The following ADAM10 variants were observed in gnomAD, a reference collection of about 807,000 sequenced individuals.
ADAM10 encodes disintegrin and metalloproteinase domain-containing protein 10.
A neutral mutation model predicts 90.1 loss-of-function variants in ADAM10; 17 were observed. The observed-to-expected ratio is 0.19, with a 90% CI of 0.13 to 0.28. The LOEUF (loss-of-function observed/expected upper bound fraction) is 0.28. ADAM10 is among the 10% of genes least tolerant of loss of function. The pLI, the probability that ADAM10 is intolerant of heterozygous loss-of-function variation, is 1.00. For synonymous variants in ADAM10, 310 were observed against 298.6 expected, an observed-to-expected ratio of 1.04 and a Z score of -0.40; for missense variants, 610 against 914.3, an observed-to-expected ratio of 0.67 and a Z score of 4.29.
chr15:58,602,435 T>A (rs1257771728), intron 14 of ADAM10, among the ~76,000 whole-genome samples: 1 of 152,086 alleles, frequency 6.6e-6, no homozygotes, highest in Non-Finnish European at 1.5e-5. Flanking sequence ...ATACTGGTAG[T>A]GTTCCCCATC....
chr15:58,651,776 C>T (rs1265969257), intron 5 of ADAM10, among the ~76,000 whole-genome samples: 1 of 152,154 alleles, frequency 6.6e-6, no homozygotes, highest in Non-Finnish European at 1.5e-5. Flanking sequence ...AGCAGTGGGA[C>T]TGCTGGATTA....
At chr15:58,737,223 C>T (rs1204614075) in intron 1 of ADAM10, among the ~76,000 whole-genome samples, 2 of 152,026 alleles carry the variant, frequency 1.3e-5, no homozygotes, top group East Asian at 3.9e-4. Flanking sequence ...ATCTTACTAC[C>T]CAGAAAATTG....
intron 8 of ADAM10, among the ~76,000 whole-genome samples, chr15:58,638,853 A>C (rs1896341985): frequency 6.6e-6 from 1 of 152,126 alleles, no homozygotes; most frequent in Non-Finnish European, 1.5e-5. Context: ...GTACTCCTCA[A>C]AACTGTCAGG....
At chr15:58,730,768 A>C (rs1595664328) in intron 1 of ADAM10, among the ~76,000 whole-genome samples, 1 of 152,060 alleles carries the variant, frequency 6.6e-6, no homozygotes, top group Non-Finnish European at 1.5e-5. Flanking sequence ...GGGAAGATCC[A>C]CCTGCACTGT....
chr15:58,697,885 C>G (rs924434165), intron 2 of ADAM10, among the ~76,000 whole-genome samples: 2 of 152,184 alleles, frequency 1.3e-5, no homozygotes, highest in Non-Finnish European at 2.9e-5. Context: ...CCAAACCCTA[C>G]ATCACTGAGA....
In ADAM10 at chr15:58,610,332, G is replaced by A. The variant is rs756896693; in HGVS notation, c.1990C>T (p.Pro664Ser). 32 of 1,614,064 alleles carry A rather than the reference G, an allele frequency of 2.0e-5. No homozygotes were observed. Among genetic ancestry groups the A allele is most frequent in the Non-Finnish European group, 2.7e-5 (32 of 1,179,986 alleles). Residue 664 changes from proline (P) to serine (S), a missense_variant, in exon 14 of 16, where the codon CCA becomes TCA. Pro to Ser is a moderately conservative substitution (Grantham distance 74, BLOSUM62 -1). Transcript: ENST00000260408. The part of the protein sequence containing the change: ...LARLKKAIFS[P>S]ELYENIAEWI... ...TCAGCAATGTTTTCATAGAGCTCTG[G>A]ACTAAAAATTGCTTTTTTAAGCCTA...
chr15:58,637,351 A>C (rs760616813), intron 8 of ADAM10, among the ~76,000 whole-genome samples: 2 of 152,198 alleles, frequency 1.3e-5, no homozygotes, highest in Non-Finnish European at 2.9e-5. Flanking sequence ...ATGTTCATTC[A>C]GTTAACTGAT....
At chr15:58,684,550 G>A (rs74017281) in intron 2 of ADAM10, among the ~76,000 whole-genome samples, 7,606 of 152,320 alleles carry the variant, frequency 0.05, 654 homozygotes, top group African/African-American at 0.17. Context: ...TTCCAGGGTT[G>A]AACACACTGA....
At chr15:58,697,523 C>T (rs2140784538) in intron 2 of ADAM10, among the ~76,000 whole-genome samples, 1 of 152,290 alleles carries the variant, frequency 6.6e-6, no homozygotes, top group East Asian at 1.9e-4. Context: ...ACTCAATCTG[C>T]CATTACATAC....
In ADAM10 at chr15:58,749,707, C is replaced by T; in HGVS notation, c.-173G>A. The T allele has an allele frequency of 7.0e-7, 1 of 1,420,910 alleles. No individual in the cohort carries two copies. The highest frequency in any genetic ancestry group is 9.3e-7 in the Non-Finnish European group (1 of 1,076,996). 88.0% of individuals were successfully genotyped at this position (1,420,910 alleles called of 1,614,324 possible). ...CTCGCTCCACTTCAGGGGCCGGCAA[C>T]GCTCCTAGCTCCTCCAAAACAGGGA... On this transcript the variant is annotated 5_prime_UTR_variant, in exon 1 of 16. Transcript: ENST00000260408.
chr15:58,638,039 T>G (rs1435392054), intron 8 of ADAM10, among the ~76,000 whole-genome samples: 2 of 152,124 alleles, frequency 1.3e-5, no homozygotes, highest in African/African-American at 4.8e-5. Flanking sequence ...TAACCTACAC[T>G]CGAAAAAGTT....
chr15:58,674,815 G>A (rs1164950176), intron 4 of ADAM10, among the ~76,000 whole-genome samples: 1 of 152,028 alleles, frequency 6.6e-6, no homozygotes, highest in Non-Finnish European at 1.5e-5. Flanking sequence ...TCTTCCCATT[G>A]AAGCACAAGA....
chr15:58,725,017 C>T (rs923677771), intron 1 of ADAM10, among the ~76,000 whole-genome samples: 1 of 151,492 alleles, frequency 6.6e-6, no homozygotes, highest in Non-Finnish European at 1.5e-5. Flanking sequence ...ATGACCAAAC[C>T]CTGTCTCTAC....
chr15:58,627,982 C>T, intron 9 of ADAM10, 99 bp from the exon 10 acceptor site: 1 of 1,164,132 alleles, frequency 8.6e-7, no homozygotes, highest in Non-Finnish European at 1.2e-6. Flanking sequence ...ACAATGGAAG[C>T]TTGTGGACTC....
chr15:58,716,336 A>AC (rs1384225797), intron 2 of ADAM10, among the ~76,000 whole-genome samples: 1 of 152,220 alleles, frequency 6.6e-6, no homozygotes, highest in Admixed American at 6.5e-5. Flanking sequence ...AATAAGAAGT[A>AC]CCCACAAAAA....
chr15:58,641,465 C>T (rs1445877982), intron 7 of ADAM10, among the ~76,000 whole-genome samples: 1 of 152,094 alleles, frequency 6.6e-6, no homozygotes, highest in Non-Finnish European at 1.5e-5. Context: ...GTTTTCCTTG[C>T]CTAGAGAGTC....
rs1266852407 is a variant in ADAM10 at position 58,595,467 on chromosome 15, T to G, written c.*2080A>C. The G allele has an allele frequency of 6.6e-6, 1 of 152,148 alleles. No homozygotes were observed. The highest frequency in any genetic ancestry group is 2.4e-5 in the African/African-American group (1 of 41,436). 9.4% of individuals were successfully genotyped at this position (152,148 alleles called of 1,614,324 possible). On this transcript the variant is annotated 3_prime_UTR_variant, in exon 16 of 16. Transcript: ENST00000260408. ...TACATCTTTGCACAATACTTTATTT[T>G]TTGCAATTTTTAGTAAAAATTTCCA...
intron 2 of ADAM10, among the ~76,000 whole-genome samples, chr15:58,703,279 T>C (rs1383198288): frequency 6.8e-6 from 1 of 146,818 alleles, no homozygotes. Flanking sequence ...GGAAAACAAT[T>C]TGGTATTCCC....
chr15:58,724,789 C>CA (rs1195169504), intron 1 of ADAM10, among the ~76,000 whole-genome samples: 16 of 152,334 alleles, frequency 1.1e-4, no homozygotes, highest in African/African-American at 3.8e-4. Flanking sequence ...AAAGCTCACA[C>CA]AGGGCTGGAA....
Sources: gnomAD v4.1 joint callset for allele counts (sites outside exome capture counted in the v4.1 genomes callset) on GRCh38, gnomAD v4.1.1 for gene constraint, MANE v1.5 for transcripts, NCBI Gene and HGNC (gene_info 2026-07-23, HGNC 2026-07-21) for gene names.